Variants in CNTN3 observed in about 807,000 individuals in gnomAD.
CNTN3 encodes the protein contactin-3.
CNTN3 carries 60 observed loss-of-function variants against 119.1 expected under a neutral mutation model. That is an observed-to-expected ratio of 0.50 (90% CI 0.41 to 0.62). The LOEUF (loss-of-function observed/expected upper bound fraction) is 0.62, where lower values mean the gene tolerates loss of function less well. Ranked by LOEUF, CNTN3 falls within the 20% of genes least tolerant of loss-of-function variation. The pLI is 0.00. For synonymous variants in CNTN3, 450 were observed against 438.7 expected, an observed-to-expected ratio of 1.03 and a Z score of -0.32; for missense variants, 1,101 against 1,242.4, an observed-to-expected ratio of 0.89 and a Z score of 1.71.
intron 13 of CNTN3, among the ~76,000 whole-genome samples, chr3:74,322,677 TA>T (rs570096508): frequency 4.6e-5 from 7 of 152,266 alleles, no homozygotes; most frequent in Admixed American, 4.6e-4. Context: ...TTATGTCCAA[TA>T]AAAAACTGCA....
At chr3:74,279,634 TG>T (rs1402001607) in intron 20 of CNTN3, among the ~76,000 whole-genome samples, 4 of 138,468 alleles carry the variant, frequency 2.9e-5, no homozygotes, top group Non-Finnish European at 6.3e-5. Context: ...TTTCGGGACT[TG>T]GGGGGAAGGT....
intron 5 of CNTN3, among the ~76,000 whole-genome samples, chr3:74,406,135 G>A (rs912180195): frequency 6.6e-6 from 1 of 151,900 alleles, no homozygotes; most frequent in Non-Finnish European, 1.5e-5. Context: ...AATAAAATCC[G>A]CAAAATATAA....
chr3:74,430,689 T>C (rs1701768901), intron 4 of CNTN3, among the ~76,000 whole-genome samples: 1 of 152,138 alleles, frequency 6.6e-6, no homozygotes, highest in African/African-American at 2.4e-5. Flanking sequence ...GGGATCCTTG[T>C]GGGACCTGAA....
chr3:74,413,088 GA>G (rs1701464727), intron 5 of CNTN3, among the ~76,000 whole-genome samples: 2 of 152,108 alleles, frequency 1.3e-5, no homozygotes, highest in Non-Finnish European at 2.9e-5. Context: ...AGTTACTTTG[GA>G]AAATGGAATG....
At chr3:74,366,780 G>GTGTGTGTATATATATATA (rs1447686332) in intron 8 of CNTN3, among the ~76,000 whole-genome samples, 2 of 63,714 alleles carry the variant, frequency 3.1e-5, no homozygotes, top group South Asian at 8.6e-4. Flanking sequence ...GTGTGTGTGT[G>GTGTGTGTATATATATATA]TATATATATA....
At chr3:74,543,591 T>C (rs1703871844) in intron 1 of CNTN3, among the ~76,000 whole-genome samples, 1 of 152,212 alleles carries the variant, frequency 6.6e-6, no homozygotes, top group South Asian at 2.1e-4. Context: ...CTGAAAATAC[T>C]ACATATTAGA....
At chr3:74,280,351 T>C (rs1473159112) in intron 20 of CNTN3, among the ~76,000 whole-genome samples, 3 of 152,172 alleles carry the variant, frequency 2.0e-5, no homozygotes, top group African/African-American at 7.2e-5. Flanking sequence ...CATATAATAA[T>C]TAGCAAAGGC....
intron 20 of CNTN3, among the ~76,000 whole-genome samples, chr3:74,273,718 G>A (rs896673248): frequency 9.2e-5 from 14 of 152,152 alleles, no homozygotes; most frequent in African/African-American, 3.1e-4. Flanking sequence ...GGGATCCTTC[G>A]GGAGGGTGGC....
chr3:74,347,216 A>G (rs1703712833), intron 11 of CNTN3, among the ~76,000 whole-genome samples: 1 of 152,162 alleles, frequency 6.6e-6, no homozygotes, highest in Non-Finnish European at 1.5e-5. Flanking sequence ...CCTCAAGAAT[A>G]CACAGTCTCT....
intron 19 of CNTN3, among the ~76,000 whole-genome samples, chr3:74,291,601 G>A (rs534127138): frequency 4.6e-5 from 7 of 152,068 alleles, no homozygotes; most frequent in East Asian, 1.9e-4. Context: ...GGATGGTCTC[G>A]ATCTCCTGAC....
chr3:74,336,525 A>G lies in CNTN3; in HGVS notation c.1492+6T>C, dbSNP rs770805534. 6.2e-7 allele frequency: 1 copy of G among 1,610,988 alleles called. No individual in the cohort carries two copies. Among genetic ancestry groups the G allele is most frequent in the Admixed American group, 1.7e-5 (1 of 59,774 alleles). On this transcript the variant is annotated splice_donor_region_variant and intron_variant, in intron 12 of 22. Transcript: ENST00000263665. Reference sequence around the variant, plus strand: ...ATGTAAAGCAATATTTTAGAAATGGACCTACCCGTAACAACCAAATGTGTT... The same window carrying G: ...ATGTAAAGCAATATTTTAGAAATGGGCCTACCCGTAACAACCAAATGTGTT...
chr3:74,561,478 T>C (rs1001604270), intron 1 of CNTN3, among the ~76,000 whole-genome samples: 1 of 152,170 alleles, frequency 6.6e-6, no homozygotes, highest in Non-Finnish European at 1.5e-5. Context: ...GCGTCAAGTT[T>C]ATCCCCTTCT....
At chr3:74,297,900 T>C in intron 18 of CNTN3, 57 bp downstream of exon 18, 2 of 1,372,590 alleles carry the variant, frequency 1.5e-6, no homozygotes, top group Non-Finnish European at 2.0e-6. Context: ...AAATCAGTTT[T>C]TGGAGCACAA....
chr3:74,588,293 C>A (rs1411141373), intron 1 of CNTN3, among the ~76,000 whole-genome samples: 1 of 152,048 alleles, frequency 6.6e-6, no homozygotes. Context: ...AAATCACAAG[C>A]ATTCTTATAC....
chr3:74,392,102 G>T (rs1366988337), intron 5 of CNTN3, among the ~76,000 whole-genome samples: 1 of 152,096 alleles, frequency 6.6e-6, no homozygotes, highest in African/African-American at 2.4e-5. Context: ...GAGGAACTAA[G>T]AAGAAGGGGG....
chr3:74,401,839 C>G (rs1176199045), intron 5 of CNTN3, among the ~76,000 whole-genome samples: 1 of 152,134 alleles, frequency 6.6e-6, no homozygotes, highest in Non-Finnish European at 1.5e-5. Context: ...CCAGAATAAC[C>G]ATTCTTGTAA....
intron 4 of CNTN3, among the ~76,000 whole-genome samples, chr3:74,426,051 A>G (rs760453632): frequency 6.6e-6 from 1 of 152,198 alleles, no homozygotes; most frequent in Non-Finnish European, 1.5e-5. Flanking sequence ...ATTTTTAGAG[A>G]ACATTTAATT....
chr3:74,437,342 G>T (rs538963028), intron 4 of CNTN3, among the ~76,000 whole-genome samples: 1 of 152,084 alleles, frequency 6.6e-6, no homozygotes, highest in East Asian at 2.0e-4. Flanking sequence ...GACACCTGTA[G>T]TCCCAGCTAC....
At chr3:74,534,875 C>T (rs1437998520) in intron 1 of CNTN3, among the ~76,000 whole-genome samples, 1 of 151,914 alleles carries the variant, frequency 6.6e-6, no homozygotes, top group East Asian at 1.9e-4. Flanking sequence ...AACCTAAATA[C>T]TTAAACCTCT....
Sources: allele counts gnomAD v4.1 joint callset (sites outside exome capture counted in the v4.1 genomes callset), GRCh38; gene constraint gnomAD v4.1.1; transcripts MANE v1.5; gene names NCBI Gene and HGNC (gene_info 2026-07-23, HGNC 2026-07-21).